Variants in SWAP70 observed in about 807,000 individuals in gnomAD.
SWAP70 encodes switch-associated protein 70.
SWAP70 carries 34 observed loss-of-function variants against 80.2 expected under a neutral mutation model. The ratio of observed to expected loss-of-function variants is 0.42; its 90% CI spans 0.32 to 0.56. The LOEUF is 0.56. SWAP70 is among the 20% of genes least tolerant of loss of function. The probability of loss-of-function intolerance (pLI) is 0.09; values close to 1 mark genes in which losing one functional copy is unlikely to be tolerated. For missense variants in SWAP70, 578 were observed against 690.7 expected (o/e 0.84, Z 1.83); for synonymous variants, 239 against 238.5 (o/e 1.00, Z -0.02).
chr11:9,685,627 G>T (rs573277475), intron 1 of SWAP70, among the ~76,000 whole-genome samples: 1 of 151,952 alleles, frequency 6.6e-6, no homozygotes, highest in Non-Finnish European at 1.5e-5. Context: ...CCACCTAAAG[G>T]CCTCACCTCT....
intron 1 of SWAP70, among the ~76,000 whole-genome samples, chr11:9,665,450 A>G (rs932815640): frequency 1.3e-5 from 2 of 152,318 alleles, no homozygotes; most frequent in East Asian, 3.9e-4. Context: ...ACAGTTCTAT[A>G]AATTTCAACA....
At chr11:9,725,543 ATATATATATATATATATATATATATATT>A (rs1564829380) in intron 4 of SWAP70, among the ~76,000 whole-genome samples, 2 of 8,942 alleles carry the variant, frequency 2.2e-4, no homozygotes, top group South Asian at 4.7e-3. Context: ...ATATATATAT[ATATATATATATATATATATATATATATT>A]TTTTTTTTTT....
chr11:9,673,261 CT>C (rs1451163712), intron 1 of SWAP70, among the ~76,000 whole-genome samples: 1 of 152,206 alleles, frequency 6.6e-6, no homozygotes, highest in African/African-American at 2.4e-5. Flanking sequence ...GGTTCAATTA[CT>C]TTGCTAGAGT....
intron 2 of SWAP70, among the ~76,000 whole-genome samples, chr11:9,711,832 TGTTTTTAAAGGAACCCAAGG>T (rs1356807802): frequency 6.6e-6 from 1 of 152,230 alleles, no homozygotes; most frequent in Non-Finnish European, 1.5e-5. Flanking sequence ...AAATTCCTTT[TGTTTTTAAAGGAACCCAAGG>T]TGGTTCCTGT....
At chr11:9,744,280 A>T (rs999046691) in intron 9 of SWAP70, among the ~76,000 whole-genome samples, 2 of 152,116 alleles carry the variant, frequency 1.3e-5, no homozygotes, top group Non-Finnish European at 2.9e-5. Flanking sequence ...TAATTTTAAA[A>T]ATTACGATTG....
intron 9 of SWAP70, among the ~76,000 whole-genome samples, chr11:9,745,854 A>G (rs1385399117): frequency 6.6e-6 from 1 of 152,240 alleles, no homozygotes; most frequent in Non-Finnish European, 1.5e-5. Context: ...AGCTAAAGCA[A>G]TAAAACAATT....
chr11:9,728,859 G>A (rs1436225181), intron 5 of SWAP70, among the ~76,000 whole-genome samples: 1 of 152,102 alleles, frequency 6.6e-6, no homozygotes, highest in Admixed American at 6.6e-5. Flanking sequence ...ACTAAACATG[G>A]AGATCTACAA....
At chr11:9,740,419 A>T in intron 9 of SWAP70, 72 bp downstream of exon 9, 1 of 1,458,588 alleles carries the variant, frequency 6.9e-7, no homozygotes, top group Non-Finnish European at 9.6e-7. Flanking sequence ...GGAATGACTA[A>T]CACTCTGGTG....
intron 9 of SWAP70, among the ~76,000 whole-genome samples, chr11:9,743,585 T>C (rs7929870): frequency 0.095 from 14,292 of 150,466 alleles, 1,719 homozygotes; most frequent in East Asian, 0.3. Flanking sequence ...TTTTAATGAT[T>C]GCCATTCTAA....
Position 9,752,814 on chromosome 11 carries a change from T to G in SWAP70, c.*2844T>G, listed in dbSNP as rs773766768. ...CCAAATATTTATGATTTTAAAACAT[T>G]CGTATGAAAACATTGTACAATGTAA... is the stretch of plus-strand genomic sequence containing the variant. On this transcript the variant is annotated 3_prime_UTR_variant, in exon 12 of 12. Transcript: ENST00000318950. The G allele has an allele frequency of 6.6e-6, 1 of 152,232 alleles. No homozygotes were observed. The allele number at this position is 152,232 out of a possible 1,614,324, so 9.4% of individuals were successfully genotyped here. A position where few individuals can be genotyped will look rare whatever the true frequency, so the allele number is the denominator to read the frequency against.
chr11:9,732,456 C>T, intron 6 of SWAP70, 73 bp from the exon 7 acceptor site: 2 of 1,421,572 alleles, frequency 1.4e-6, no homozygotes, highest in Non-Finnish European at 9.6e-7. Context: ...TCCCACTGTG[C>T]CATTTGCATA....
At chr11:9,704,340 G>A (rs990947769) in intron 2 of SWAP70, among the ~76,000 whole-genome samples, 1 of 150,908 alleles carries the variant, frequency 6.6e-6, no homozygotes, top group East Asian at 1.9e-4. Flanking sequence ...GCTGCATTAG[G>A]CAAGGAAAGA....
chr11:9,739,042 G>T (rs1041271539), intron 8 of SWAP70, among the ~76,000 whole-genome samples: 1 of 152,156 alleles, frequency 6.6e-6, no homozygotes, highest in Non-Finnish European at 1.5e-5. Flanking sequence ...AGTAAGCATA[G>T]GTTCCATGGT....
chr11:9,723,771 C>CTTTTTTTT (rs34551025), intron 3 of SWAP70, among the ~76,000 whole-genome samples: 1 of 124,612 alleles, frequency 8.0e-6, no homozygotes, highest in Non-Finnish European at 1.7e-5. Context: ...TCCTTCTTTA[C>CTTTTTTTT]TTTTTTTTTT....
chr11:9,740,577 A>G (rs1851423894), intron 9 of SWAP70: 2 of 537,838 alleles, frequency 3.7e-6, no homozygotes, highest in South Asian at 2.0e-5. Context: ...ATAAGGGCCT[A>G]TTTTAGAGCA....
chr11:9,747,776 T>A, intron 9 of SWAP70, 82 bp from the exon 10 acceptor site: 1 of 1,309,666 alleles, frequency 7.6e-7, no homozygotes. Context: ...AATATTCTCT[T>A]GTCTAAAATG....
chr11:9,726,548 C>T (rs1412343066), intron 4 of SWAP70, among the ~76,000 whole-genome samples: 2 of 152,046 alleles, frequency 1.3e-5, no homozygotes, highest in African/African-American at 4.8e-5. Flanking sequence ...GTAGAATTGC[C>T]GTATGAGATA....
chr11:9,702,185 A>G (rs937183073), intron 2 of SWAP70, among the ~76,000 whole-genome samples: 8 of 152,150 alleles, frequency 5.3e-5, no homozygotes, highest in Non-Finnish European at 1.2e-4. Flanking sequence ...GTCACTTATA[A>G]TTCTTTTATA....
chr11:9,712,288 G>C (rs1851008182), intron 2 of SWAP70, among the ~76,000 whole-genome samples: 1 of 152,112 alleles, frequency 6.6e-6, no homozygotes, highest in South Asian at 2.1e-4. Flanking sequence ...TCAAATGAGT[G>C]AACAATTCTA....
Sources: gnomAD v4.1 joint callset for allele counts (sites outside exome capture counted in the v4.1 genomes callset) on GRCh38, gnomAD v4.1.1 for gene constraint, MANE v1.5 for transcripts, NCBI Gene and HGNC (gene_info 2026-07-23, HGNC 2026-07-21) for gene names.